The following AOAH variants were observed in gnomAD, a reference collection of about 807,000 sequenced individuals.
The protein encoded by AOAH is acyloxyacyl hydrolase (neutrophil).
AOAH carries 64 observed loss-of-function variants against 92.2 expected under a neutral mutation model. That is an observed-to-expected ratio of 0.69 (90% CI 0.57 to 0.86). The LOEUF (loss-of-function observed/expected upper bound fraction) is 0.86, where lower values mean the gene tolerates loss of function less well. AOAH is among the 40% of genes least tolerant of loss of function. The probability of loss-of-function intolerance (pLI) is 0.00; values close to 1 mark genes in which losing one functional copy is unlikely to be tolerated. For synonymous variants in AOAH, 263 were observed against 254.5 expected (o/e 1.03, Z -0.32); for missense variants, 656 against 694.6 (o/e 0.94, Z 0.62).
At chr7:36,587,289 A>G (rs557126115) in intron 12 of AOAH, among the ~76,000 whole-genome samples, 6,191 of 148,980 alleles carry the variant, frequency 0.042, 140 homozygotes, top group Non-Finnish European at 0.052. Context: ...AAAAAAAAAA[A>G]AAAGAAAGAA....
At chr7:36,631,008 G>A (rs746051725) in intron 6 of AOAH, among the ~76,000 whole-genome samples, 1 of 152,160 alleles carries the variant, frequency 6.6e-6, no homozygotes, top group Admixed American at 6.5e-5. Flanking sequence ...CTGGAACAGC[G>A]CCCATAAACC....
intron 12 of AOAH, among the ~76,000 whole-genome samples, chr7:36,591,986 T>C (rs964953047): frequency 2.0e-5 from 3 of 152,234 alleles, no homozygotes; most frequent in Admixed American, 6.5e-5. Flanking sequence ...TAATTTTAAA[T>C]ATCGGATCGG....
intron 9 of AOAH, among the ~76,000 whole-genome samples, chr7:36,620,139 A>G (rs976707017): frequency 1.3e-5 from 2 of 152,194 alleles, no homozygotes; most frequent in Non-Finnish European, 2.9e-5. Flanking sequence ...TTTAAAAATT[A>G]TTCATTTTCC....
intron 20 of AOAH, among the ~76,000 whole-genome samples, chr7:36,519,467 G>A (rs1488769475): frequency 1.3e-5 from 2 of 152,178 alleles, no homozygotes; most frequent in Admixed American, 1.3e-4. Flanking sequence ...TTTCGCTCTT[G>A]TTGCCCAGGC....
At chr7:36,644,166 T>C (rs1011129939) in intron 4 of AOAH, among the ~76,000 whole-genome samples, 1 of 152,110 alleles carries the variant, frequency 6.6e-6, no homozygotes, top group Non-Finnish European at 1.5e-5. Flanking sequence ...TAGTTGCTAT[T>C]CTCCCTCTTT....
intron 19 of AOAH, among the ~76,000 whole-genome samples, chr7:36,522,482 TC>T (rs1272505836): frequency 6.6e-6 from 1 of 152,186 alleles, no homozygotes; most frequent in Non-Finnish European, 1.5e-5. Flanking sequence ...TTTGTTAACA[TC>T]CCCTTTCATG....
Position 36,686,799 on chromosome 7 carries a change from C to A in AOAH, c.128-5G>T, listed in dbSNP as rs574293352. 1.3e-5 allele frequency: 20 copies of A among 1,530,898 alleles called. No individual in the cohort carries two copies. The South Asian group carries it at 2.2e-4, about 17-fold the overall frequency. The allele number at this position is 1,530,898 out of a possible 1,614,324, so 94.8% of individuals were successfully genotyped here. A position where few individuals can be genotyped will look rare whatever the true frequency, so the allele number is the denominator to read the frequency against. On this transcript the variant is annotated splice_region_variant and splice_polypyrimidine_tract_variant and intron_variant, in intron 1 of 20. Transcript: ENST00000617537. ...CAGACACCACCAGCACACACCCTGC[C>A]AGGGAGGAGAAGAACATGTAATCTG...
Position 36,664,362 on chromosome 7 carries a change from T to C in AOAH, c.291-5097A>G, listed in dbSNP as rs568129727. Among the ~76,000 whole-genome samples, 23 of 152,348 alleles carry C rather than the reference T, an allele frequency of 1.5e-4. No individual in the cohort carries two copies. The South Asian group carries it at 4.8e-3, about 32-fold the overall frequency. On this transcript the variant is annotated intron_variant, in intron 3 of 20. Transcript: ENST00000617537. ...GTCCATTTGTTCCAACACCATCTGTTGAAATGACCATCTTTTTTTAAATCA... is the reference window on the plus strand; with the variant it reads ...GTCCATTTGTTCCAACACCATCTGTCGAAATGACCATCTTTTTTTAAATCA...
At chr7:36,666,856 T>C (rs937673121) in intron 3 of AOAH, among the ~76,000 whole-genome samples, 2 of 152,204 alleles carry the variant, frequency 1.3e-5, no homozygotes, top group African/African-American at 2.4e-5. Flanking sequence ...TTAATCTCCA[T>C]GTATTTTGTG....
At position 36,637,851 on chromosome 7, in the gene AOAH, C is replaced by T. The variant is rs1172351841; in HGVS notation, c.450G>A (p.Leu150=). The T allele has an allele frequency of 1.2e-6, 2 of 1,613,872 alleles. No homozygotes were observed. Among genetic ancestry groups the T allele is most frequent in the African/African-American group, 2.7e-5 (2 of 74,920 alleles). The part of the protein sequence containing the change: ...ARQIVKKSPI[L]KYSRSGSDIC... Reference sequence around the variant, plus strand: ...GGCGTTCTACGTGCTTAGTGCTTACCAGAATCGGGGACTTCTTGACAATTT... The same window carrying T: ...GGCGTTCTACGTGCTTAGTGCTTACTAGAATCGGGGACTTCTTGACAATTT... Residue 150 remains leucine (L), a splice_region_variant and synonymous_variant, in exon 5 of 21, where the codon CTG becomes CTA. Transcript: ENST00000617537.
chr7:36,571,967 T>C (rs1156806731), intron 13 of AOAH, among the ~76,000 whole-genome samples: 1 of 152,202 alleles, frequency 6.6e-6, no homozygotes. Context: ...GCAACTGTAG[T>C]TAACATTAAT....
rs753382720 is a variant in AOAH, at chr7:36,686,807, A to G, written c.128-13T>C. 1 of 1,518,038 alleles carries G rather than the reference A, an allele frequency of 6.6e-7. No homozygotes were observed. The highest frequency in any genetic ancestry group is 8.9e-7 in the Non-Finnish European group (1 of 1,129,862). 94.0% of individuals were successfully genotyped at this position (1,518,038 alleles called of 1,614,324 possible). A position where few individuals can be genotyped will look rare whatever the true frequency, so the allele number is the denominator to read the frequency against. On this transcript the variant is annotated splice_polypyrimidine_tract_variant and intron_variant, in intron 1 of 20. Transcript: ENST00000617537. ...ACCAGCACACACCCTGCCAGGGAGG[A>G]GAAGAACATGTAATCTGTGTCACAC...
At chr7:36,632,130 AAGAG>A (rs1793160949) in intron 5 of AOAH, 24 bp from the exon 6 acceptor site, 1 of 1,588,554 alleles carries the variant, frequency 6.3e-7, no homozygotes, top group African/African-American at 1.4e-5. Context: ...AAAAAACAAA[AAGAG>A]AGTTGTTTAG....
chr7:36,606,619 A>G (rs1791019672), intron 11 of AOAH, among the ~76,000 whole-genome samples: 1 of 152,222 alleles, frequency 6.6e-6, no homozygotes, highest in African/African-American at 2.4e-5. Flanking sequence ...TGCAGCATTT[A>G]ATATGTTGGA....
chr7:36,571,718 C>G (rs192123778), intron 13 of AOAH, among the ~76,000 whole-genome samples: 135 of 152,342 alleles, frequency 8.9e-4, no homozygotes, highest in Non-Finnish European at 1.7e-3. Flanking sequence ...TCAGCTGCCC[C>G]CAGCTACCCT....
At chr7:36,621,809 G>A in intron 7 of AOAH, 29 bp from the exon 8 acceptor site, 4 of 1,606,860 alleles carry the variant, frequency 2.5e-6, no homozygotes, top group Non-Finnish European at 3.4e-6. Flanking sequence ...CACAGGAGGG[G>A]TTCAGCCTGC....
intron 3 of AOAH, 65 bp from the exon 4 acceptor site, chr7:36,659,330 C>T (rs770972024): frequency 2.2e-4 from 289 of 1,340,130 alleles, no homozygotes; most frequent in Non-Finnish European, 2.7e-4. Flanking sequence ...ACAGAAGCTA[C>T]TGCAAAGAAA....
chr7:36,644,543 GAACA>G (rs1277628345), intron 4 of AOAH, among the ~76,000 whole-genome samples: 3 of 152,132 alleles, frequency 2.0e-5, no homozygotes. Flanking sequence ...AGACCGTAGC[GAACA>G]GAGGATCCTC....
intron 19 of AOAH, among the ~76,000 whole-genome samples, chr7:36,523,000 A>G (rs1358081240): frequency 6.6e-6 from 1 of 152,146 alleles, no homozygotes; most frequent in South Asian, 2.1e-4. Flanking sequence ...ATTGGACAAG[A>G]CGGGCTGGAC....
Sources: allele counts gnomAD v4.1 joint callset (sites outside exome capture counted in the v4.1 genomes callset), GRCh38; gene constraint gnomAD v4.1.1; transcripts MANE v1.5; gene names NCBI Gene and HGNC (gene_info 2026-07-23, HGNC 2026-07-21).